SCHIP1: variants seen among roughly 807,000 people sequenced by gnomAD.
SCHIP1 encodes the protein schwannomin-interacting protein 1.
Under a neutral mutation model 29.7 loss-of-function variants are expected in SCHIP1, and 8 were observed. The observed-to-expected ratio is 0.27, with a 90% CI of 0.16 to 0.49. The LOEUF is 0.49. Ranked by LOEUF, SCHIP1 falls within the 20% of genes least tolerant of loss-of-function variation. SCHIP1 has a pLI of 0.99. For synonymous variants in SCHIP1, 76 were observed against 94.9 expected (o/e 0.80, Z 1.16); for missense variants, 193 against 294.6 (o/e 0.66, Z 2.52).
intron 1 of SCHIP1, among the ~76,000 whole-genome samples, chr3:159,840,448 G>A (rs375482065): frequency 2.0e-5 from 3 of 152,192 alleles, no homozygotes; most frequent in African/African-American, 7.2e-5. Context: ...GGTGATATGT[G>A]CTTTGCATAT....
the SCHIP1 span, among the ~76,000 whole-genome samples, chr3:159,759,251 C>T: frequency 3.9e-5 from 6 of 152,116 alleles, no homozygotes; most frequent in Non-Finnish European, 7.3e-5. Context: ...AGTATCTACA[C>T]GTATAGACTA....
the SCHIP1 span, among the ~76,000 whole-genome samples, chr3:159,665,560 G>GTGTGTGTA: frequency 1.3e-5 from 2 of 152,030 alleles, no homozygotes; most frequent in African/African-American, 4.8e-5. Context: ...GTGTGTGTGT[G>GTGTGTGTA]TGTGTGTGTG....
the SCHIP1 span, among the ~76,000 whole-genome samples, chr3:159,496,297 T>C: frequency 6.6e-6 from 1 of 152,096 alleles, no homozygotes; most frequent in Non-Finnish European, 1.5e-5. Context: ...CAAAAGAAAC[T>C]ACCATCAGAG....
the SCHIP1 span, among the ~76,000 whole-genome samples, chr3:159,441,307 T>C: frequency 6.6e-6 from 1 of 152,232 alleles, no homozygotes; most frequent in Non-Finnish European, 1.5e-5. Flanking sequence ...TGTTTAGTTA[T>C]TCTTTCAACA....
chr3:159,408,530 T>G, the SCHIP1 span, among the ~76,000 whole-genome samples: 1 of 152,100 alleles, frequency 6.6e-6, no homozygotes, highest in Non-Finnish European at 1.5e-5. Context: ...CCTTAGAGGC[T>G]ACTATAATCA....
At chr3:159,515,235 C>A in the SCHIP1 span, among the ~76,000 whole-genome samples, 6 of 152,068 alleles carry the variant, frequency 3.9e-5, no homozygotes, top group South Asian at 1.2e-3. Flanking sequence ...CAGAACTCCT[C>A]TGCTCACAAT....
the SCHIP1 span, among the ~76,000 whole-genome samples, chr3:159,533,508 T>C: frequency 1.3e-5 from 2 of 152,174 alleles, no homozygotes; most frequent in African/African-American, 2.4e-5. Flanking sequence ...CCAATGAGGC[T>C]TTTTTCCATT....
At chr3:159,575,135 A>C in the SCHIP1 span, among the ~76,000 whole-genome samples, 1 of 152,154 alleles carries the variant, frequency 6.6e-6, no homozygotes, top group African/African-American at 2.4e-5. Flanking sequence ...TCCCAATGAG[A>C]TGAACCAGGT....
At chr3:159,554,112 C>T in the SCHIP1 span, among the ~76,000 whole-genome samples, 522 of 152,014 alleles carry the variant, frequency 3.4e-3, 2 homozygotes, top group African/African-American at 0.012. Flanking sequence ...CCTCGTGATC[C>T]GCCCGCCTTG....
chr3:159,548,821 T>C, the SCHIP1 span, among the ~76,000 whole-genome samples: 1 of 152,178 alleles, frequency 6.6e-6, no homozygotes, highest in Non-Finnish European at 1.5e-5. Flanking sequence ...TGAACATAGA[T>C]ATCATGGCTG....
chr3:159,866,862 A>T (rs1714684769), intron 2 of SCHIP1, among the ~76,000 whole-genome samples: 1 of 152,218 alleles, frequency 6.6e-6, no homozygotes, highest in African/African-American at 2.4e-5. Context: ...AATTCCAAGT[A>T]AGATATTTAA....
chr3:159,551,108 A>G, the SCHIP1 span, among the ~76,000 whole-genome samples: 3 of 152,144 alleles, frequency 2.0e-5, no homozygotes, highest in African/African-American at 7.2e-5. Flanking sequence ...TTCTGTACAG[A>G]TGGATGGCTA....
the SCHIP1 span, among the ~76,000 whole-genome samples, chr3:159,474,489 A>AACCAATATAC: frequency 6.6e-6 from 1 of 152,134 alleles, no homozygotes; most frequent in Non-Finnish European, 1.5e-5. Context: ...ATATTGGTTA[A>AACCAATATAC]GTTCTGCATT....
the SCHIP1 span, among the ~76,000 whole-genome samples, chr3:159,622,799 T>A: frequency 6.6e-6 from 1 of 152,006 alleles, no homozygotes; most frequent in African/African-American, 2.4e-5. Context: ...GGCCCAGTAG[T>A]CCTAGCTACT....
At chr3:159,855,111 GA>G (rs1317553827) in intron 1 of SCHIP1, among the ~76,000 whole-genome samples, 1 of 152,232 alleles carries the variant, frequency 6.6e-6, no homozygotes, top group African/African-American at 2.4e-5. Context: ...TAGATGTGTG[GA>G]GTGCTCAGAG....
At chr3:159,640,953 T>G in the SCHIP1 span, among the ~76,000 whole-genome samples, 2 of 152,204 alleles carry the variant, frequency 1.3e-5, no homozygotes, top group Non-Finnish European at 2.9e-5. Flanking sequence ...CATGTCATGG[T>G]GGACACACAT....
chr3:159,853,697 T>C (rs1205838424), intron 1 of SCHIP1, among the ~76,000 whole-genome samples: 1 of 152,258 alleles, frequency 6.6e-6, no homozygotes, highest in East Asian at 1.9e-4. Flanking sequence ...TATTCTGAAG[T>C]TGAAAAAATT....
the SCHIP1 span, among the ~76,000 whole-genome samples, chr3:159,601,483 G>A: frequency 6.6e-6 from 1 of 152,164 alleles, no homozygotes; most frequent in Non-Finnish European, 1.5e-5. Context: ...TAGCCCTCCG[G>A]CCCACCCACC....
At chr3:159,319,041 C>T in the SCHIP1 span, among the ~76,000 whole-genome samples, 1 of 152,178 alleles carries the variant, frequency 6.6e-6, no homozygotes, top group Non-Finnish European at 1.5e-5. Context: ...AACAGCATCC[C>T]TATCTGCCAC....
Sources: gnomAD v4.1 joint callset for allele counts (sites outside exome capture counted in the v4.1 genomes callset) on GRCh38, gnomAD v4.1.1 for gene constraint, MANE v1.5 for transcripts, NCBI Gene and HGNC (gene_info 2026-07-23, HGNC 2026-07-21) for gene names.